The following SGCD variants were observed in gnomAD, a reference collection of about 807,000 sequenced individuals.
SGCD encodes delta-sarcoglycan.
SGCD carries 18 observed loss-of-function variants against 36.6 expected under a neutral mutation model. That is an observed-to-expected ratio of 0.49 (90% CI 0.34 to 0.73). The LOEUF is 0.73. Ranked by LOEUF, SGCD falls within the 30% of genes least tolerant of loss-of-function variation. The probability of loss-of-function intolerance (pLI) is 0.01; values close to 1 mark genes in which losing one functional copy is unlikely to be tolerated. For missense variants in SGCD, 387 were observed against 346.7 expected (o/e 1.12, Z -0.92); for synonymous variants, 133 against 130.6 (o/e 1.02, Z -0.12).
chr5:156,583,086 A>G (rs981197337), intron 4 of SGCD, among the ~76,000 whole-genome samples: 2 of 152,226 alleles, frequency 1.3e-5, no homozygotes, highest in Non-Finnish European at 2.9e-5. Context: ...TTGACAGCTG[A>G]GATAGTGTAA....
chr5:156,123,782 C>G (rs1217881432), intron 2 of SGCD: 3 of 152,040 alleles, frequency 2.0e-5, no homozygotes, highest in Admixed American at 6.6e-5. Flanking sequence ...AACCAAATGG[C>G]CTTTAATTTA....
chr5:155,947,813 A>C (rs1336691837), intron 1 of SGCD, among the ~76,000 whole-genome samples: 1 of 152,152 alleles, frequency 6.6e-6, no homozygotes, highest in Non-Finnish European at 1.5e-5. Flanking sequence ...TTAGTGACTC[A>C]GCAGAAGAGA....
intron 3 of SGCD, among the ~76,000 whole-genome samples, chr5:156,245,891 A>G (rs1765427148): frequency 6.6e-6 from 1 of 152,168 alleles, no homozygotes; most frequent in African/African-American, 2.4e-5. Flanking sequence ...GCTCTCAAGA[A>G]AAGGGTGGCT....
intron 7 of SGCD, among the ~76,000 whole-genome samples, chr5:156,714,915 G>A (rs1343427171): frequency 1.3e-5 from 2 of 152,122 alleles, no homozygotes; most frequent in Non-Finnish European, 2.9e-5. Context: ...ATTGGTGTCA[G>A]GTTTGTGAGA....
intron 3 of SGCD, among the ~76,000 whole-genome samples, chr5:156,171,941 G>C (rs1235106168): frequency 6.6e-6 from 1 of 152,100 alleles, no homozygotes; most frequent in African/African-American, 2.4e-5. Context: ...AATTTGATCT[G>C]TACTGTACTG....
the SGCD span, among the ~76,000 whole-genome samples, chr5:155,755,414 C>G: frequency 6.6e-6 from 1 of 152,180 alleles, no homozygotes; most frequent in Non-Finnish European, 1.5e-5. Flanking sequence ...ACTATCAGAC[C>G]TCTCAAATCC....
intron 1 of SGCD, among the ~76,000 whole-genome samples, chr5:155,933,492 T>A (rs1366819453): frequency 6.6e-6 from 1 of 152,220 alleles, no homozygotes; most frequent in Non-Finnish European, 1.5e-5. Flanking sequence ...TTTCTACAGC[T>A]TTTAGAACAG....
At chr5:156,080,443 T>G (rs931555535) in intron 1 of SGCD, among the ~76,000 whole-genome samples, 8 of 152,264 alleles carry the variant, frequency 5.3e-5, no homozygotes, top group Non-Finnish European at 8.8e-5. Flanking sequence ...TTGCTTTTCT[T>G]TTCCATAATA....
the SGCD span, among the ~76,000 whole-genome samples, chr5:155,804,968 C>T: frequency 1.3e-5 from 2 of 152,160 alleles, no homozygotes; most frequent in Non-Finnish European, 2.9e-5. Flanking sequence ...GTGTCCAGCA[C>T]AGTTGCCATT....
chr5:156,670,020 C>T (rs569726752), intron 7 of SGCD, among the ~76,000 whole-genome samples: 1 of 152,298 alleles, frequency 6.6e-6, no homozygotes, highest in Non-Finnish European at 1.5e-5. Context: ...CCATCACGAC[C>T]AGCCCGTTTT....
intron 3 of SGCD, among the ~76,000 whole-genome samples, chr5:156,236,404 A>G (rs1765163558): frequency 1.3e-5 from 2 of 151,994 alleles, no homozygotes; most frequent in South Asian, 2.1e-4. Context: ...TACACATACA[A>G]CTGAAACATA....
intron 3 of SGCD, among the ~76,000 whole-genome samples, chr5:156,288,597 C>A (rs574948502): frequency 5.3e-5 from 8 of 152,262 alleles, no homozygotes; most frequent in African/African-American, 1.9e-4. Flanking sequence ...AATACAATGG[C>A]AAACTCAGTG....
intron 6 of SGCD, among the ~76,000 whole-genome samples, chr5:156,629,984 C>T (rs1762574685): frequency 6.6e-6 from 1 of 151,456 alleles, no homozygotes; most frequent in Non-Finnish European, 1.5e-5. Flanking sequence ...GCCTCAGCCT[C>T]CTCAGTAGCT....
intron 3 of SGCD, among the ~76,000 whole-genome samples, chr5:156,354,122 A>G (rs184686323): frequency 6.6e-6 from 1 of 152,378 alleles, no homozygotes; most frequent in African/African-American, 2.4e-5. Flanking sequence ...AAACACATGT[A>G]TAATTTTAGT....
chr5:155,846,596 A>T, the SGCD span, among the ~76,000 whole-genome samples: 1 of 152,172 alleles, frequency 6.6e-6, no homozygotes. Context: ...TATTTCTAAA[A>T]GTCATTGGTT....
intron 4 of SGCD, among the ~76,000 whole-genome samples, chr5:156,530,735 G>A (rs1036378707): frequency 3.3e-5 from 5 of 151,804 alleles, no homozygotes; most frequent in Admixed American, 1.3e-4. Flanking sequence ...ATGCACCACC[G>A]TGCCCAGCTA....
At chr5:156,127,421 T>C (rs1762199632) in intron 3 of SGCD, among the ~76,000 whole-genome samples, 1 of 151,920 alleles carries the variant, frequency 6.6e-6, no homozygotes, top group Non-Finnish European at 1.5e-5. Flanking sequence ...CTGGGCAACA[T>C]AGCAAGACCT....
chr5:156,385,257 C>G (rs1580907743), intron 3 of SGCD, among the ~76,000 whole-genome samples: 1 of 152,172 alleles, frequency 6.6e-6, no homozygotes, highest in Non-Finnish European at 1.5e-5. Flanking sequence ...ATGAGGGTAA[C>G]TGGGCCACCC....
chr5:156,119,690 C>T (rs1761988113), intron 2 of SGCD, among the ~76,000 whole-genome samples: 1 of 152,060 alleles, frequency 6.6e-6, no homozygotes, highest in African/African-American at 2.4e-5. Flanking sequence ...TTGCTAATAC[C>T]TTCTGCTGCT....
Sources: gnomAD v4.1 joint callset for allele counts (sites outside exome capture counted in the v4.1 genomes callset) on GRCh38, gnomAD v4.1.1 for gene constraint, MANE v1.5 for transcripts, NCBI Gene and HGNC (gene_info 2026-07-23, HGNC 2026-07-21) for gene names.